Variants in BTBD9 observed in about 807,000 individuals in gnomAD.
BTBD9 encodes BTB domain containing 9, also known as BTB/POZ domain-containing protein 9.
Under a neutral mutation model 64.3 loss-of-function variants are expected in BTBD9, and 49 were observed. The observed-to-expected ratio is 0.76, with a 90% confidence interval of 0.61 to 0.97. BTBD9 has a LOEUF of 0.97. Among genes scored for constraint, BTBD9 ranks in the 50% least tolerant of loss-of-function variants. BTBD9 has a pLI of 0.00. For synonymous variants in BTBD9, 260 were observed against 274.7 expected (o/e 0.95, Z 0.53); for missense variants, 598 against 762.1 (o/e 0.78, Z 2.53).
intron 6 of BTBD9, among the ~76,000 whole-genome samples, chr6:38,529,968 G>A (rs139171564): frequency 1.7e-3 from 255 of 152,242 alleles, no homozygotes; most frequent in African/African-American, 5.6e-3. Context: ...GCCTATAAAC[G>A]GACGTGTAAG....
intron 7 of BTBD9, among the ~76,000 whole-genome samples, chr6:38,321,992 AAG>A (rs1362256147): frequency 2.0e-5 from 3 of 151,926 alleles, no homozygotes; most frequent in Non-Finnish European, 4.4e-5. Context: ...ATTTCCTAAA[AAG>A]AGCCTTCTAA....
At chr6:38,227,128 C>G (rs888612626) in intron 9 of BTBD9, among the ~76,000 whole-genome samples, 1 of 152,294 alleles carries the variant, frequency 6.6e-6, no homozygotes, top group East Asian at 1.9e-4. Context: ...TGCGAAGTCA[C>G]TAGAGAGAGA....
chr6:38,209,391 C>T (rs562588875), intron 9 of BTBD9, among the ~76,000 whole-genome samples: 3 of 152,312 alleles, frequency 2.0e-5, no homozygotes, highest in Non-Finnish European at 4.4e-5. Context: ...AATCCTTATA[C>T]TGTTTTGTTC....
chr6:38,449,781 A>G (rs1041764944), intron 6 of BTBD9, among the ~76,000 whole-genome samples: 1 of 152,098 alleles, frequency 6.6e-6, no homozygotes, highest in Non-Finnish European at 1.5e-5. Context: ...AATCAACTCA[A>G]AATGGATTGA....
chr6:38,319,909 T>C (rs1352547685), intron 7 of BTBD9, among the ~76,000 whole-genome samples: 3 of 152,128 alleles, frequency 2.0e-5, no homozygotes. Context: ...TTCAAGTTTA[T>C]TTAGAATCCC....
At chr6:38,578,356 A>G (rs1776145424) in intron 5 of BTBD9, among the ~76,000 whole-genome samples, 1 of 152,208 alleles carries the variant, frequency 6.6e-6, no homozygotes, top group Non-Finnish European at 1.5e-5. Flanking sequence ...GGCAGTAACG[A>G]AAACAGCCTA....
rs182382969 is a variant in BTBD9 at position 38,610,489 on chromosome 6, A to G, written c.-27-12368T>C. Among the ~76,000 whole-genome samples the G allele has an allele frequency of 3.0e-3, 464 of 152,328 alleles. 2 individuals are homozygous for G. The highest frequency in any genetic ancestry group is 0.011 in the African/African-American group (438 of 41,580). ...ATGGAAAACGTGAGATTGAAAAGGA[A>G]GTTTGTTCTGAGTAGCAACAGAGAA... On this transcript the variant is annotated intron_variant, in intron 1 of 10. Coordinates refer to ENST00000481247, the MANE Select transcript of BTBD9 (RefSeq NM_001099272.2).
intron 7 of BTBD9, among the ~76,000 whole-genome samples, chr6:38,343,919 G>C (rs945133495): frequency 1.7e-4 from 26 of 152,160 alleles, no homozygotes; most frequent in African/African-American, 5.1e-4. Context: ...ATAAACATTT[G>C]CAAGTTACAC....
At chr6:38,181,550 C>G (rs1256474478) in intron 10 of BTBD9, among the ~76,000 whole-genome samples, 2 of 152,210 alleles carry the variant, frequency 1.3e-5, no homozygotes, top group Non-Finnish European at 2.9e-5. Context: ...ATGCTCGCCT[C>G]AGAGCAGAAG....
chr6:38,203,328 C>A (rs1762528416), intron 9 of BTBD9, among the ~76,000 whole-genome samples: 3 of 151,914 alleles, frequency 2.0e-5, no homozygotes, highest in Admixed American at 2.0e-4. Context: ...TCTAAAAGTA[C>A]AACTATAGGA....
rs770637025 is a variant in BTBD9, at chr6:38,594,028, C to A, written c.485G>T (p.Cys162Phe). The change falls in exon 3 of 11, where the codon TGC becomes TTC. Residue 162 changes from cysteine (C) to phenylalanine (F), a missense_variant. Coordinates refer to ENST00000481247, the MANE Select transcript of BTBD9 (RefSeq NM_001099272.2). ...YSLPKLTCMC[C>F]MFMDRNAQEV... is the part of the protein sequence containing the mutation. ...CTGAGCATTCCTATCCATAAACATG[C>A]AGCACATACAAGTTAACTTGGGAAG... is the stretch of plus-strand genomic sequence containing the variant. 2.5e-6 allele frequency: 4 copies of A among 1,614,096 alleles called. No homozygotes were observed. In the Admixed American group the frequency reaches 6.7e-5, roughly 27 times the overall value.
In BTBD9 at chr6:38,368,715, T is replaced by C. The variant is rs1031663889; in HGVS notation, c.1155-23622A>G. Among the ~76,000 whole-genome samples, 34 of 152,062 alleles carry C rather than the reference T, an allele frequency of 2.2e-4. 1 individual carries two copies. Among genetic ancestry groups the C allele is most frequent in the Admixed American group, 2.2e-3 (34 of 15,276 alleles). On this transcript the variant is annotated intron_variant, in intron 6 of 10. Transcript: ENST00000481247. ...CTTCTTGCCCCCTGTCCAAAATATG[T>C]ACAAAATTTTATACACAATCAGAGC...
chr6:38,208,488 T>TTC (rs1762729517), intron 9 of BTBD9, among the ~76,000 whole-genome samples: 2 of 152,178 alleles, frequency 1.3e-5, no homozygotes, highest in Non-Finnish European at 2.9e-5. Flanking sequence ...AATTACTGTT[T>TTC]AACAGCCCTT....
intron 4 of BTBD9, among the ~76,000 whole-genome samples, chr6:38,582,227 T>C (rs1216535240): frequency 2.0e-5 from 3 of 152,188 alleles, no homozygotes. Flanking sequence ...CCATCAGAAG[T>C]TTAAGTGCTA....
intron 10 of BTBD9, chr6:38,179,368 G>A (rs1314195791): frequency 2.2e-6 from 1 of 450,520 alleles, no homozygotes; most frequent in Non-Finnish European, 4.5e-6. Context: ...GACTGGATGA[G>A]ACTGATAAAG....
chr6:38,391,256 T>C (rs1766400133), intron 6 of BTBD9, among the ~76,000 whole-genome samples: 1 of 152,216 alleles, frequency 6.6e-6, no homozygotes, highest in Non-Finnish European at 1.5e-5. Flanking sequence ...GTTACAAATT[T>C]GGTTAACAAT....
intron 6 of BTBD9, among the ~76,000 whole-genome samples, chr6:38,480,147 G>C (rs1420624214): frequency 6.6e-6 from 1 of 152,210 alleles, no homozygotes; most frequent in Non-Finnish European, 1.5e-5. Context: ...ATTGAGGGGA[G>C]AGTGTACTCT....
At chr6:38,275,949 A>G (rs1374103926) in intron 8 of BTBD9, among the ~76,000 whole-genome samples, 3 of 151,008 alleles carry the variant, frequency 2.0e-5, no homozygotes, top group African/African-American at 4.9e-5. Context: ...GCGATTCCTC[A>G]GGGATCTAGA....
intron 6 of BTBD9, among the ~76,000 whole-genome samples, chr6:38,509,637 T>C (rs1324650677): frequency 1.3e-5 from 2 of 151,926 alleles, no homozygotes; most frequent in Non-Finnish European, 2.9e-5. Context: ...CAAGCATGTA[T>C]AAAATATAAA....
Sources: gnomAD v4.1 joint callset for allele counts (sites outside exome capture counted in the v4.1 genomes callset) on GRCh38, gnomAD v4.1.1 for gene constraint, MANE v1.5 for transcripts, NCBI Gene and HGNC (gene_info 2026-07-23, HGNC 2026-07-21) for gene names.